Variants in NUP205 observed in about 807,000 individuals in gnomAD.
NUP205 encodes nuclear pore complex protein Nup205.
In NUP205, 76 loss-of-function variants were observed where a neutral mutation model predicts 253.8. The ratio of observed to expected loss-of-function variants is 0.30; its 90% CI spans 0.25 to 0.36. The LOEUF (loss-of-function observed/expected upper bound fraction) is 0.36. NUP205 is among the 10% of genes least tolerant of loss of function. NUP205 has a pLI of 1.00. For synonymous variants in NUP205, 832 were observed against 850.1 expected (o/e 0.98, Z 0.37); for missense variants, 2,162 against 2,425.5 (o/e 0.89, Z 2.28).
chr7:135,561,419 C>T (rs1805577287), intron 1 of NUP205, among the ~76,000 whole-genome samples: 1 of 152,178 alleles, frequency 6.6e-6, no homozygotes, highest in African/African-American at 2.4e-5. Context: ...AGTCTTGTGA[C>T]CTGTATCAAC....
intron 38 of NUP205, among the ~76,000 whole-genome samples, chr7:135,641,070 G>T (rs1387328461): frequency 6.6e-6 from 1 of 152,118 alleles, no homozygotes; most frequent in Non-Finnish European, 1.5e-5. Context: ...GGATAAAAAG[G>T]GGCCACCATG....
chr7:135,567,855 T>C (rs566428179), intron 1 of NUP205, among the ~76,000 whole-genome samples: 66 of 152,186 alleles, frequency 4.3e-4, no homozygotes, highest in Non-Finnish European at 8.5e-4. Context: ...TAAACACATA[T>C]GAGTACCTTA....
chr7:135,584,872 A>G lies in NUP205; in HGVS notation c.1083A>G (p.Glu361=), dbSNP rs1219852644. 6.2e-7 allele frequency: 1 copy of G among 1,613,924 alleles called. No homozygotes were observed. The highest frequency in any genetic ancestry group is 1.7e-5 in the Admixed American group (1 of 60,004). ...CAGAGGCAGATGAAGCAATGGCAGAACTCGCAATTGCTGACAACGTTTTCC... is the reference window on the plus strand; with the variant it reads ...CAGAGGCAGATGAAGCAATGGCAGAGCTCGCAATTGCTGACAACGTTTTCC... The part of the protein sequence containing the change: ...EFTEADEAMA[E]LAIADNVFLF... The change falls in exon 8 of 43, where the codon GAA becomes GAG. Residue 361 remains glutamate (E), a synonymous_variant. Coordinates refer to ENST00000285968, the MANE Select transcript of NUP205 (RefSeq NM_015135.3).
chr7:135,558,204 G>A (rs1563103648), intron 1 of NUP205: 2 of 575,320 alleles, frequency 3.5e-6, no homozygotes, highest in East Asian at 6.0e-5. Flanking sequence ...GGCTTGGGCC[G>A]CTGGACCCAG....
intron 3 of NUP205, among the ~76,000 whole-genome samples, chr7:135,575,433 A>G (rs1057488801): frequency 1.1e-4 from 17 of 152,162 alleles, no homozygotes; most frequent in Admixed American, 1.3e-4. Context: ...GTGGAGGAGT[A>G]GTTGCAGTAA....
intron 26 of NUP205, 54 bp from the exon 27 acceptor site, chr7:135,617,548 T>C: frequency 1.5e-6 from 2 of 1,333,412 alleles, no homozygotes; most frequent in Non-Finnish European, 2.2e-6. Flanking sequence ...TAGGTGTTAC[T>C]GTTCTACCAG....
At chr7:135,612,624 G>T (rs1178732702) in intron 22 of NUP205, among the ~76,000 whole-genome samples, 1 of 152,170 alleles carries the variant, frequency 6.6e-6, no homozygotes, top group Admixed American at 6.5e-5. Context: ...GAAAAGCATT[G>T]CTCCATTAGA....
At chr7:135,629,297 G>T (rs1037080789) in intron 34 of NUP205, among the ~76,000 whole-genome samples, 7 of 152,136 alleles carry the variant, frequency 4.6e-5, no homozygotes, top group African/African-American at 1.7e-4. Context: ...AAAGTGGAAG[G>T]GTAGAGCTGG....
chr7:135,623,171 T>G (rs1385302206), intron 31 of NUP205, among the ~76,000 whole-genome samples: 1 of 151,938 alleles, frequency 6.6e-6, no homozygotes, highest in Non-Finnish European at 1.5e-5. Flanking sequence ...CCCAGTTACT[T>G]GGGAGGCTGA....
At chr7:135,614,307 C>T (rs368733301) in intron 23 of NUP205, 34 bp downstream of exon 23, 2 of 1,069,464 alleles carry the variant, frequency 1.9e-6, no homozygotes, top group Middle Eastern at 2.0e-4. Flanking sequence ...TATAAGAACA[C>T]ATTTATAATT....
chr7:135,570,757 T>TATATATATATTAATATATTAATTATATTA (rs1563110071), intron 1 of NUP205, among the ~76,000 whole-genome samples: 2 of 63,574 alleles, frequency 3.1e-5, no homozygotes, highest in Non-Finnish European at 5.9e-5. Context: ...TAATTATATT[T>TATATATATATTAATATATTAATTATATTA]ATATATTATA....
At chr7:135,637,248 G>A (rs1214762900) in intron 36 of NUP205, among the ~76,000 whole-genome samples, 6 of 152,298 alleles carry the variant, frequency 3.9e-5, no homozygotes, top group South Asian at 2.1e-4. Flanking sequence ...ACATGCAGGC[G>A]TGAGAAATTC....
rs529823179 is a variant in NUP205 at position 135,620,307 on chromosome 7, G to C, written c.4330+419G>C. On this transcript the variant is annotated intron_variant, in intron 30 of 42. Coordinates refer to ENST00000285968, the MANE Select transcript of NUP205 (RefSeq NM_015135.3). ...CTAGCACTTTGGGAGGCCGAGGCCT[G>C]TGGATCACCTGAGGTCAGGAGTTCG... 4.6e-5 allele frequency among the ~76,000 whole-genome samples: 7 copies of C among 152,340 alleles called. No homozygotes were observed. In the South Asian group the frequency reaches 1.2e-3, roughly 27 times the overall value.
intron 36 of NUP205, among the ~76,000 whole-genome samples, chr7:135,637,176 T>C (rs573613235): frequency 6.6e-6 from 1 of 152,342 alleles, no homozygotes; most frequent in East Asian, 1.9e-4. Context: ...ATACCATGTC[T>C]CAGGGAATCC....
intron 1 of NUP205, among the ~76,000 whole-genome samples, chr7:135,567,402 A>G (rs1013231415): frequency 2.8e-5 from 4 of 141,616 alleles, no homozygotes; most frequent in African/African-American, 5.3e-5. Context: ...AGCCTGGACA[A>G]CATGGTGAAA....
intron 13 of NUP205, among the ~76,000 whole-genome samples, chr7:135,595,547 T>C (rs1793813603): frequency 6.6e-6 from 1 of 152,054 alleles, no homozygotes; most frequent in Admixed American, 6.6e-5. Flanking sequence ...TAACAGCATC[T>C]AGAATACTTT....
intron 3 of NUP205, among the ~76,000 whole-genome samples, chr7:135,574,046 C>T (rs1381416547): frequency 6.6e-6 from 1 of 151,970 alleles, no homozygotes; most frequent in Non-Finnish European, 1.5e-5. Context: ...GATATCGGCT[C>T]ACTGCAACCT....
chr7:135,573,685 A>G lies in NUP205; in HGVS notation c.203A>G (p.Gln68Arg). ...AATGTTCAACAGCATGAGAAGGTTCAGAAAGCCAGTACAGAGGGAGTCGCC... is the reference window on the plus strand; with the variant it reads ...AATGTTCAACAGCATGAGAAGGTTCGGAAAGCCAGTACAGAGGGAGTCGCC... ...PKNVQQHEKV[Q>R]KASTEGVAIQ... Residue 68 changes from glutamine (Q) to arginine (R), a missense_variant, in exon 3 of 43, where the codon CAG (glutamine) becomes CGG (arginine). Physicochemically the swap from Gln to Arg is conservative, Grantham distance 43. Around this residue, in one of 5 missense-constraint regions of NUP205, gnomAD observed 109 missense variants for 131.8 expected, o/e 0.83. Coordinates refer to ENST00000285968, the MANE Select transcript of NUP205 (RefSeq NM_015135.3). The G allele has an allele frequency of 6.2e-7, 1 of 1,611,982 alleles. No homozygotes were observed. Among genetic ancestry groups the G allele is most frequent in the Non-Finnish European group, 8.5e-7 (1 of 1,179,484 alleles).
intron 35 of NUP205, among the ~76,000 whole-genome samples, chr7:135,635,038 C>T (rs1163846704): frequency 1.3e-5 from 2 of 152,108 alleles, no homozygotes; most frequent in Non-Finnish European, 2.9e-5. Flanking sequence ...ATGTTATGGT[C>T]ACTGGCAGGC....
Sources: gnomAD v4.1 joint callset for allele counts (sites outside exome capture counted in the v4.1 genomes callset) on GRCh38, gnomAD v4.1.1 for gene constraint, gnomAD v4.1.1 regional missense constraint, MANE v1.5 for transcripts, NCBI Gene and HGNC (gene_info 2026-07-23, HGNC 2026-07-21) for gene names.